Variants in GATAD1 observed in about 807,000 individuals in gnomAD.
The protein encoded by GATAD1 is GATA zinc finger domain-containing protein 1.
A neutral mutation model predicts 26.5 loss-of-function variants in GATAD1; 12 were observed. The observed-to-expected ratio is 0.45, with a 90% CI of 0.29 to 0.73. GATAD1 has a LOEUF of 0.73. Ranked by LOEUF, GATAD1 falls within the 30% of genes least tolerant of loss-of-function variation. The pLI, the probability that GATAD1 is intolerant of heterozygous loss-of-function variation, is 0.10. For missense variants in GATAD1, 266 were observed against 342.1 expected (o/e 0.78, Z 1.75); for synonymous variants, 129 against 133.1 (o/e 0.97, Z 0.21).
chr7:92,469,220 A>G, the GATAD1 span: 1 of 760,896 alleles, frequency 1.3e-6, no homozygotes, highest in Non-Finnish European at 2.4e-6. Flanking sequence ...GCGGTTAGCA[A>G]GTCTAAAGCT....
At chr7:92,462,263 G>A (rs937867411), downstream of GATAD1, among the ~76,000 whole-genome samples, 3 of 151,684 alleles carry the variant, frequency 2.0e-5, no homozygotes, top group Non-Finnish European at 2.9e-5. Flanking sequence ...ATTTTATGCT[G>A]TCATCAGAAA....
the GATAD1 span, among the ~76,000 whole-genome samples, chr7:92,486,380 G>GTT: frequency 7.2e-5 from 11 of 152,128 alleles, no homozygotes; most frequent in Non-Finnish European, 1.6e-4. Flanking sequence ...TTTTTACATT[G>GTT]TTTGTTAGGC....
the GATAD1 span, chr7:92,468,492 C>T: frequency 5.4e-5 from 15 of 278,286 alleles, no homozygotes; most frequent in East Asian, 3.8e-4. Context: ...GTTTATATCC[C>T]GATCATTGTC....
chr7:92,490,957 C>G, the GATAD1 span, among the ~76,000 whole-genome samples: 1 of 152,132 alleles, frequency 6.6e-6, no homozygotes. Context: ...TTCATGATAA[C>G]AGAATTTAAG....
At chr7:92,448,063 C>T in intron 1 of GATAD1, 85 bp downstream of exon 1, 1 of 1,038,612 alleles carries the variant, frequency 9.6e-7, no homozygotes, top group African/African-American at 1.7e-5. Flanking sequence ...CGGGCGGGCG[C>T]GGGCTTCCCC....
At chr7:92,470,298 C>G in the GATAD1 span, 1 of 777,678 alleles carries the variant, frequency 1.3e-6, no homozygotes, top group East Asian at 2.4e-5. Flanking sequence ...AGCTACTGGT[C>G]ATACAGCGGC....
chr7:92,479,453 G>A, the GATAD1 span, among the ~76,000 whole-genome samples: 3 of 152,148 alleles, frequency 2.0e-5, no homozygotes, highest in African/African-American at 4.8e-5. Context: ...ACAAATCACA[G>A]TGGTGGAATG....
rs1562823002 is a variant in GATAD1, at chr7:92,458,110, C to T, written c.*1548C>T. On this transcript the variant is annotated 3_prime_UTR_variant, in exon 5 of 5. Coordinates refer to ENST00000287957, the MANE Select transcript of GATAD1 (RefSeq NM_021167.5). The stretch of plus-strand genomic sequence containing the variant: ...CGAGATCGTGCCACTGCACTCCAGC[C>T]TGGGTGATAGAGCAAGACTGTCTCA... The T allele has an allele frequency of 6.6e-6, 1 of 152,078 alleles. No individual in the cohort carries two copies. The highest frequency in any genetic ancestry group is 2.4e-5 in the African/African-American group (1 of 41,376). 9.4% of individuals were successfully genotyped at this position (152,078 alleles called of 1,614,324 possible). A position where few individuals can be genotyped will look rare whatever the true frequency, so the allele number is the denominator to read the frequency against.
In GATAD1 at chr7:92,456,624, A is replaced by G. The variant is rs747154768; in HGVS notation, c.*62A>G. On this transcript the variant is annotated 3_prime_UTR_variant, in exon 5 of 5. Transcript: ENST00000287957. ...GTGGCTCACGCCTGTAGCCCCAGCT[A>G]TTGCACCACTGCTCTCCAAGCTGGG... 32 of 981,078 alleles carry G rather than the reference A, an allele frequency of 3.3e-5. No individual in the cohort carries two copies. Among genetic ancestry groups the G allele is most frequent in the South Asian group, 2.2e-4 (14 of 63,716 alleles). The allele number at this position is 981,078 out of a possible 1,614,324, so 60.8% of individuals were successfully genotyped here.
intron 3 of GATAD1, 101 bp downstream of exon 3, chr7:92,450,861 T>C: frequency 1.4e-6 from 1 of 720,942 alleles, no homozygotes; most frequent in Non-Finnish European, 2.5e-6. Context: ...TCTTTATTTG[T>C]ATAAGGTGTG....
At chr7:92,480,419 C>T in the GATAD1 span, among the ~76,000 whole-genome samples, 1 of 152,018 alleles carries the variant, frequency 6.6e-6, no homozygotes, top group Admixed American at 6.6e-5. Context: ...GGGGAGGGGG[C>T]CTGAACAATC....
At chr7:92,471,525 C>T in the GATAD1 span, 7 of 152,228 alleles carry the variant, frequency 4.6e-5, no homozygotes, top group East Asian at 1.9e-4. Context: ...AAACTGTCCT[C>T]GTGAGGTTCC....
intron 1 of GATAD1, among the ~76,000 whole-genome samples, 170 bp downstream of exon 1, chr7:92,448,148 G>A (rs2115839869): frequency 6.6e-6 from 1 of 152,338 alleles, no homozygotes; most frequent in South Asian, 2.1e-4. Context: ...CCATTCCGAA[G>A]CACCTGTTAT....
At chr7:92,492,985 A>G in the GATAD1 span, 1 of 1,613,770 alleles carries the variant, frequency 6.2e-7, no homozygotes, top group African/African-American at 1.3e-5. Flanking sequence ...ATTCCATGTA[A>G]GGCCTCCAAT....
chr7:92,467,917 T>G, the GATAD1 span, among the ~76,000 whole-genome samples: 1 of 152,208 alleles, frequency 6.6e-6, no homozygotes. Context: ...ACCAGGGCCC[T>G]TCTGTTTTCT....
chr7:92,459,605 A>G lies in GATAD1; in HGVS notation c.*3043A>G, dbSNP rs1789841153. Among the ~76,000 whole-genome samples, 1 of 152,080 alleles carries G rather than the reference A, an allele frequency of 6.6e-6. No homozygotes were observed. Among genetic ancestry groups the G allele is most frequent in the South Asian group, 2.1e-4 (1 of 4,818 alleles). ...CTGTTCTCTCCAATTCTACCTTCCA[A>G]AGGCCTTTCTTAACACCTTCGGATT... On this transcript the variant is annotated 3_prime_UTR_variant, in exon 5 of 5. Coordinates refer to ENST00000287957, the MANE Select transcript of GATAD1 (RefSeq NM_021167.5).
At chr7:92,451,482 G>A (rs963041749) in intron 3 of GATAD1, among the ~76,000 whole-genome samples, 4 of 152,214 alleles carry the variant, frequency 2.6e-5, no homozygotes, top group Non-Finnish European at 4.4e-5. Context: ...TCATTTAGGG[G>A]ACAGTGGTGT....
chr7:92,478,883 A>AATTC, the GATAD1 span, among the ~76,000 whole-genome samples: 1 of 152,048 alleles, frequency 6.6e-6, no homozygotes, highest in Non-Finnish European at 1.5e-5. Flanking sequence ...CCCTCCAGAT[A>AATTC]ATTCATGTGT....
the GATAD1 span, chr7:92,489,951 G>A: frequency 6.7e-7 from 1 of 1,498,568 alleles, no homozygotes; most frequent in South Asian, 1.1e-5. Flanking sequence ...GGAAGGAAGA[G>A]GGGGAGAGAA....
Sources: gnomAD v4.1 joint callset for allele counts (sites outside exome capture counted in the v4.1 genomes callset) on GRCh38, gnomAD v4.1.1 for gene constraint, MANE v1.5 for transcripts, NCBI Gene and HGNC (gene_info 2026-07-23, HGNC 2026-07-21) for gene names.